The following TBX15 variants were observed in gnomAD, a reference collection of about 807,000 sequenced individuals.
The protein encoded by TBX15 is T-box transcription factor 15, also known as T-box transcription factor TBX15.
TBX15 carries 18 observed loss-of-function variants against 53.9 expected under a neutral mutation model. That is an observed-to-expected ratio of 0.33 (90% CI 0.23 to 0.49). The LOEUF (loss-of-function observed/expected upper bound fraction) is 0.49. Ranked by LOEUF, TBX15 falls within the 20% of genes least tolerant of loss-of-function variation. The pLI, the probability that TBX15 is intolerant of heterozygous loss-of-function variation, is 0.98. For missense variants in TBX15, 692 were observed against 749.5 expected (o/e 0.92, Z 0.90); for synonymous variants, 295 against 278.0 (o/e 1.06, Z -0.61).
At chr1:118,896,302 T>C (rs982241484) in intron 7 of TBX15, among the ~76,000 whole-genome samples, 2 of 152,150 alleles carry the variant, frequency 1.3e-5, no homozygotes, top group Non-Finnish European at 2.9e-5. Context: ...AATACTCCAT[T>C]CAATGTGATT....
chr1:118,988,989 G>A (rs1425257968), upstream of TBX15, among the ~76,000 whole-genome samples: 1 of 152,234 alleles, frequency 6.6e-6, no homozygotes, highest in East Asian at 1.9e-4. Flanking sequence ...AGAGCAAGGG[G>A]CGGGCGGCGG....
intron 6 of TBX15, among the ~76,000 whole-genome samples, chr1:118,912,366 T>A (rs755666462): frequency 6.6e-6 from 1 of 151,822 alleles, no homozygotes; most frequent in Non-Finnish European, 1.5e-5. Context: ...CCAGGAAAAA[T>A]GTGCATCTAT....
At position 118,893,485 on chromosome 1, in the gene TBX15, G is replaced by GGAAAGAAAA. The variant is rs1553218198; in HGVS notation, c.1024+5542_1024+5543insTTTTCTTTC. 1.2e-3 allele frequency among the ~76,000 whole-genome samples: 86 copies of GGAAAGAAAA among 72,124 alleles called. 4 individuals are homozygous for GGAAAGAAAA. The highest frequency in any genetic ancestry group is 6.7e-3 in the African/African-American group (81 of 12,044). 47.3% of individuals were successfully genotyped at this position (72,124 alleles called of 152,430 possible). The stretch of plus-strand genomic sequence containing the variant: ...GGAAAGAAAGGAAGGAAGGAAGGAA[G>GGAAAGAAAA]GAAAGAAAGAAAGAAAGAAAGAAAG... On this transcript the variant is annotated intron_variant, in intron 7 of 7. Coordinates refer to ENST00000369429, the MANE Select transcript of TBX15 (RefSeq NM_001330677.2).
At chr1:118,914,758 A>G (rs1176023768) in intron 5 of TBX15, among the ~76,000 whole-genome samples, 2 of 152,226 alleles carry the variant, frequency 1.3e-5, no homozygotes, top group Non-Finnish European at 2.9e-5. Flanking sequence ...CATGTAGAAG[A>G]CAGAAAAAGC....
intron 6 of TBX15, among the ~76,000 whole-genome samples, chr1:118,905,200 T>C (rs1654772244): frequency 6.6e-6 from 1 of 152,208 alleles, no homozygotes; most frequent in South Asian, 2.1e-4. Flanking sequence ...GTATGGTACC[T>C]AATTCCATTT....
chr1:118,974,389 A>G (rs1405120687), intron 1 of TBX15, among the ~76,000 whole-genome samples: 1 of 152,228 alleles, frequency 6.6e-6, no homozygotes, highest in African/African-American at 2.4e-5. Context: ...ACAGACAGGA[A>G]TATGACAGAC....
Position 118,987,880 on chromosome 1 carries a change from C to G in TBX15, c.-85G>C, listed in dbSNP as rs1029780503. On this transcript the variant is annotated 5_prime_UTR_variant, in exon 1 of 8. Coordinates refer to ENST00000369429, the MANE Select transcript of TBX15 (RefSeq NM_001330677.2). ...CTCAAGCTCTGAGCGCCCACCGGGC[C>G]CGGCCCGGGAGAGGCGGAGGCGCGT... The G allele has an allele frequency of 4.0e-6, 6 of 1,508,468 alleles. No homozygotes were observed. Among genetic ancestry groups the G allele is most frequent in the Non-Finnish European group, 5.3e-6 (6 of 1,122,340 alleles). The allele number at this position is 1,508,468 out of a possible 1,614,324, so 93.4% of individuals were successfully genotyped here. A position where few individuals can be genotyped will look rare whatever the true frequency, so the allele number is the denominator to read the frequency against.
At chr1:118,927,632 C>T (rs1468901939) in intron 2 of TBX15, among the ~76,000 whole-genome samples, 2 of 152,160 alleles carry the variant, frequency 1.3e-5, no homozygotes, top group Non-Finnish European at 2.9e-5. Flanking sequence ...CTGGGCAATA[C>T]CTTGTTTCTA....
intron 1 of TBX15, among the ~76,000 whole-genome samples, chr1:118,954,573 G>A (rs1469208991): frequency 1.3e-5 from 2 of 152,186 alleles, no homozygotes; most frequent in African/African-American, 4.8e-5. Flanking sequence ...TTCAGGCACA[G>A]GACAAAGTCA....
chr1:118,919,901 G>A (rs967039687), intron 5 of TBX15, among the ~76,000 whole-genome samples: 1 of 151,972 alleles, frequency 6.6e-6, no homozygotes, highest in African/African-American at 2.4e-5. Context: ...CAAAAAAGTA[G>A]GAAAGACAAA....
At chr1:118,908,012 A>C (rs1187114425) in intron 6 of TBX15, among the ~76,000 whole-genome samples, 1 of 152,182 alleles carries the variant, frequency 6.6e-6, no homozygotes, top group African/African-American at 2.4e-5. Flanking sequence ...GTCTTACAGC[A>C]GTGATCAGTC....
intron 1 of TBX15, among the ~76,000 whole-genome samples, chr1:118,944,974 T>C (rs991531202): frequency 1.3e-5 from 2 of 152,194 alleles, no homozygotes; most frequent in Non-Finnish European, 2.9e-5. Context: ...TGTCCTTCTG[T>C]TGGAGGCCTC....
chr1:118,951,882 C>A (rs1033157531), intron 1 of TBX15, among the ~76,000 whole-genome samples: 2 of 152,194 alleles, frequency 1.3e-5, no homozygotes, highest in East Asian at 3.8e-4. Context: ...CCTGCTCCTG[C>A]CAGTGTTCAA....
chr1:118,960,970 C>A (rs533960519), intron 1 of TBX15, among the ~76,000 whole-genome samples: 4 of 152,192 alleles, frequency 2.6e-5, no homozygotes, highest in African/African-American at 9.6e-5. Flanking sequence ...GGACAGAGAT[C>A]TGCAGGCAGC....
chr1:118,951,626 C>T (rs900911232), intron 1 of TBX15, among the ~76,000 whole-genome samples: 2 of 152,104 alleles, frequency 1.3e-5, no homozygotes, highest in Non-Finnish European at 2.9e-5. Flanking sequence ...TCTACTTTGC[C>T]TCATGCCCTC....
At chr1:118,885,640 A>G in intron 7 of TBX15, 124 bp from the exon 8 acceptor site, 2 of 1,208,954 alleles carry the variant, frequency 1.7e-6, no homozygotes, top group Non-Finnish European at 2.4e-6. Context: ...TTACAGAACC[A>G]TTTTTCCTCT....
chr1:118,893,238 A>G (rs1654214649), intron 7 of TBX15, among the ~76,000 whole-genome samples: 1 of 146,944 alleles, frequency 6.8e-6, no homozygotes, highest in Non-Finnish European at 1.5e-5. Context: ...AACTCTGTTG[A>G]AAAGAAAGAA....
At chr1:118,946,861 C>T (rs1280662776) in intron 1 of TBX15, among the ~76,000 whole-genome samples, 2 of 152,166 alleles carry the variant, frequency 1.3e-5, no homozygotes, top group Non-Finnish European at 2.9e-5. Flanking sequence ...GAAAACGTGG[C>T]TTTTCCTTTG....
At chr1:118,962,611 T>C (rs1656916068) in intron 1 of TBX15, among the ~76,000 whole-genome samples, 1 of 152,158 alleles carries the variant, frequency 6.6e-6, no homozygotes, top group Non-Finnish European at 1.5e-5. Flanking sequence ...GTGTATCATA[T>C]CAAAGTGCTC....
Sources: allele counts gnomAD v4.1 joint callset (sites outside exome capture counted in the v4.1 genomes callset), GRCh38; gene constraint gnomAD v4.1.1; transcripts MANE v1.5; gene names NCBI Gene and HGNC (gene_info 2026-07-23, HGNC 2026-07-21).